PITPNB: variants seen among roughly 807,000 people sequenced by gnomAD.
PITPNB encodes the protein phosphatidylinositol transfer protein beta, also known as phosphatidylinositol transfer protein beta isoform.
A neutral mutation model predicts 45.9 loss-of-function variants in PITPNB; 16 were observed. That is an observed-to-expected ratio of 0.35 (90% CI 0.24 to 0.53). The LOEUF (loss-of-function observed/expected upper bound fraction) is 0.53. PITPNB is among the 20% of genes least tolerant of loss of function. The pLI is 0.93. For synonymous variants in PITPNB, 112 were observed against 108.9 expected, an observed-to-expected ratio of 1.03 and a Z score of -0.18; for missense variants, 188 against 330.5, an observed-to-expected ratio of 0.57 and a Z score of 3.34.
intron 5 of PITPNB, chr22:27,896,890 A>C: frequency 1.6e-6 from 1 of 611,770 alleles, no homozygotes; most frequent in Non-Finnish European, 3.0e-6. Context: ...TGATAAACAA[A>C]TATGGCGTTT....
intron 1 of PITPNB, among the ~76,000 whole-genome samples, chr22:27,916,867 C>T (rs1244888778): frequency 6.6e-6 from 1 of 152,054 alleles, no homozygotes; most frequent in Non-Finnish European, 1.5e-5. Flanking sequence ...ATTTTAGTTA[C>T]CAATATCTTC....
In PITPNB at chr22:27,858,363, T is replaced by C. The variant is rs1368138811; in HGVS notation, c.768+24A>G. On this transcript the variant is annotated intron_variant, in intron 10 of 11. Transcript: ENST00000335272. Reference sequence around the variant, plus strand: ...TTTTAGAAAAGGGAAAATTAGAGAATTGCCATAGAACAGCCAGTCTTACTG... The same window carrying C: ...TTTTAGAAAAGGGAAAATTAGAGAACTGCCATAGAACAGCCAGTCTTACTG... 89 of 1,571,354 alleles carry C rather than the reference T, an allele frequency of 5.7e-5. 1 individual carries two copies. The highest frequency in any genetic ancestry group is 1.7e-4 in the Middle Eastern group (1 of 5,934).
chr22:27,890,771 G>A (rs1369271599), intron 7 of PITPNB, among the ~76,000 whole-genome samples: 1 of 152,128 alleles, frequency 6.6e-6, no homozygotes, highest in Non-Finnish European at 1.5e-5. Context: ...CCGAGATCGC[G>A]CCACTGCACT....
At chr22:27,899,317 G>C (rs1453109147) in intron 3 of PITPNB, among the ~76,000 whole-genome samples, 1 of 152,074 alleles carries the variant, frequency 6.6e-6, no homozygotes, top group Non-Finnish European at 1.5e-5. Flanking sequence ...CTAATTCTTT[G>C]TTCACTTATT....
chr22:27,869,398 C>G (rs767829017), intron 8 of PITPNB, among the ~76,000 whole-genome samples: 2 of 152,148 alleles, frequency 1.3e-5, no homozygotes, highest in Non-Finnish European at 2.9e-5. Context: ...TGTCTGTACT[C>G]TTAACAAATG....
intron 5 of PITPNB, 52 bp from the exon 6 acceptor site, chr22:27,896,678 T>A (rs1264698355): frequency 8.1e-7 from 1 of 1,235,438 alleles, no homozygotes; most frequent in Non-Finnish European, 1.2e-6. Flanking sequence ...TGTTCCTTGG[T>A]GCCCACGTCT....
rs116074648 is a variant in PITPNB, at chr22:27,897,455, T to C, written c.290-318A>G. Among the ~76,000 whole-genome samples the C allele has an allele frequency of 6.8e-3, 1,031 of 152,326 alleles. 7 individuals are homozygous for C. The highest frequency in any genetic ancestry group is 0.023 in the African/African-American group (936 of 41,570). On this transcript the variant is annotated intron_variant, in intron 4 of 11. Transcript: ENST00000335272. ...ATGATAGGATGCTGTTTCAGAAGTC[T>C]GTCCTATTCCTCCTCTATTATGTAG... is the stretch of plus-strand genomic sequence containing the variant.
At chr22:27,897,213 C>G (rs1935460431) in intron 4 of PITPNB, 76 bp from the exon 5 acceptor site, 3 of 937,856 alleles carry the variant, frequency 3.2e-6, no homozygotes, top group Non-Finnish European at 5.3e-6. Flanking sequence ...ACAATCTGTC[C>G]CAATACTTAA....
intron 3 of PITPNB, chr22:27,910,315 C>T (rs5762398): frequency 0.066 from 10,101 of 152,230 alleles, 474 homozygotes; most frequent in Middle Eastern, 0.16. Context: ...AGGCTGGTGT[C>T]GAACTCCTAG....
chr22:27,855,047 C>A, intron 10 of PITPNB, 108 bp from the exon 11 acceptor site: 4 of 729,042 alleles, frequency 5.5e-6, no homozygotes, highest in Non-Finnish European at 9.5e-6. Flanking sequence ...ATGTTCATAA[C>A]CATATCCACA....
intron 8 of PITPNB, 31 bp from the exon 9 acceptor site, chr22:27,860,272 A>T (rs1202216763): frequency 1.6e-6 from 2 of 1,289,766 alleles, no homozygotes; most frequent in Non-Finnish European, 2.2e-6. Flanking sequence ...AGGAGAAATT[A>T]TGACTTAAAT....
chr22:27,910,749 A>T (rs530938493), intron 3 of PITPNB: 1 of 450,522 alleles, frequency 2.2e-6, no homozygotes, highest in East Asian at 3.4e-5. Context: ...GGCAAGGAGC[A>T]GGGACTAAGT....
chr22:27,889,829 T>C (rs1227275423), intron 7 of PITPNB, among the ~76,000 whole-genome samples: 3 of 152,262 alleles, frequency 2.0e-5, no homozygotes, highest in African/African-American at 7.2e-5. Context: ...CGTTTTAGAA[T>C]AGCAAAGGTG....
rs1363998373 is a variant in PITPNB, at chr22:27,852,770, AT to A, written c.*931del. 1 of 152,624 alleles carries A rather than the reference AT, an allele frequency of 6.6e-6. No homozygotes were observed. Among genetic ancestry groups the A allele is most frequent in the Non-Finnish European group, 1.5e-5 (1 of 68,046 alleles). 9.5% of individuals were successfully genotyped at this position (152,624 alleles called of 1,614,324 possible). A position where few individuals can be genotyped will look rare whatever the true frequency, so the allele number is the denominator to read the frequency against. On this transcript the variant is annotated 3_prime_UTR_variant, in exon 12 of 12. Coordinates refer to ENST00000335272, the MANE Select transcript of PITPNB (RefSeq NM_012399.5). ...AAAACAAGACTCCATGAAGTGCTAT[AT>A]TTCCAACTTTTCTACACAGCCTACA...
At chr22:27,910,634 C>T (rs1321520122) in intron 3 of PITPNB, 2 of 190,166 alleles carry the variant, frequency 1.1e-5, no homozygotes, top group Admixed American at 5.4e-5. Flanking sequence ...ACAAGTAATA[C>T]ATCGCTATGT....
chr22:27,892,337 A>G (rs200842274), intron 7 of PITPNB, among the ~76,000 whole-genome samples: 3 of 152,200 alleles, frequency 2.0e-5, no homozygotes. Context: ...TCGCCTGAGG[A>G]CAGGAACAAA....
At chr22:27,886,890 T>A (rs571993061) in intron 7 of PITPNB, among the ~76,000 whole-genome samples, 2 of 152,332 alleles carry the variant, frequency 1.3e-5, no homozygotes, top group South Asian at 4.1e-4. Context: ...ACTTTTTTTT[T>A]AATTAGCTCA....
At chr22:27,864,208 C>T (rs949107828) in intron 8 of PITPNB, among the ~76,000 whole-genome samples, 7 of 152,136 alleles carry the variant, frequency 4.6e-5, no homozygotes, top group African/African-American at 1.7e-4. Flanking sequence ...TAAAAGTTCT[C>T]ATACAATTCT....
intron 7 of PITPNB, among the ~76,000 whole-genome samples, chr22:27,885,173 C>G (rs1490293962): frequency 1.8e-5 from 2 of 110,544 alleles, no homozygotes; most frequent in African/African-American, 3.5e-5. Context: ...AGACAAAGTG[C>G]TGGAGATGAT....
Sources: gnomAD v4.1 joint callset for allele counts (sites outside exome capture counted in the v4.1 genomes callset) on GRCh38, gnomAD v4.1.1 for gene constraint, MANE v1.5 for transcripts, NCBI Gene and HGNC (gene_info 2026-07-23, HGNC 2026-07-21) for gene names.